Variants in LRGUK observed in about 807,000 individuals in gnomAD.
LRGUK encodes leucine rich repeats and guanylate kinase domain containing.
Under a neutral mutation model 76.0 loss-of-function variants are expected in LRGUK, and 65 were observed. The observed-to-expected ratio is 0.85, with a 90% CI of 0.70 to 1.05. The LOEUF (loss-of-function observed/expected upper bound fraction) is 1.05. LRGUK is among the 50% of genes least tolerant of loss of function. The pLI, the probability that LRGUK is intolerant of heterozygous loss-of-function variation, is 0.00. For synonymous variants in LRGUK, 268 were observed against 265.6 expected, an observed-to-expected ratio of 1.01 and a Z score of -0.09; for missense variants, 758 against 732.8, an observed-to-expected ratio of 1.03 and a Z score of -0.40.
chr7:134,197,537 C>A (rs58787920), intron 13 of LRGUK, among the ~76,000 whole-genome samples: 2 of 152,142 alleles, frequency 1.3e-5, no homozygotes, highest in African/African-American at 2.4e-5. Flanking sequence ...GAGTGTGGAA[C>A]TGGTTCCCCA....
At chr7:134,220,429 CA>C (rs1192307551) in intron 15 of LRGUK, among the ~76,000 whole-genome samples, 1 of 152,082 alleles carries the variant, frequency 6.6e-6, no homozygotes, top group Non-Finnish European at 1.5e-5. Flanking sequence ...GATTCCAAAC[CA>C]AAGTAGAGTC....
intron 18 of LRGUK, among the ~76,000 whole-genome samples, chr7:134,254,655 G>A (rs1002065509): frequency 6.6e-6 from 1 of 152,112 alleles, no homozygotes; most frequent in Non-Finnish European, 1.5e-5. Flanking sequence ...TTGGGGATGA[G>A]AATTTCAACA....
intron 6 of LRGUK, among the ~76,000 whole-genome samples, chr7:134,161,275 G>T (rs529574164): frequency 6.6e-6 from 1 of 152,106 alleles, no homozygotes; most frequent in Non-Finnish European, 1.5e-5. Context: ...TCTTATTGCA[G>T]TATGTTAAAT....
At chr7:134,149,514 CTTTA>C (rs1462899932) in intron 5 of LRGUK, among the ~76,000 whole-genome samples, 2 of 152,084 alleles carry the variant, frequency 1.3e-5, no homozygotes, top group African/African-American at 4.8e-5. Context: ...GAAAAAAATC[CTTTA>C]TTTATATATG....
intron 15 of LRGUK, among the ~76,000 whole-genome samples, chr7:134,208,294 T>C (rs1183203628): frequency 6.6e-6 from 1 of 152,156 alleles, no homozygotes. Flanking sequence ...AACAAACAAA[T>C]GGGATTTCAT....
chr7:134,178,571 T>A, exon 10 of LRGUK: 1 of 1,613,496 alleles, frequency 6.2e-7, no homozygotes, highest in Non-Finnish European at 8.5e-7. Context: ...TGACCCATGT[T>A]GTCAACAGCG....
At chr7:134,255,833 T>A (rs1173005992) in intron 18 of LRGUK, among the ~76,000 whole-genome samples, 2 of 152,100 alleles carry the variant, frequency 1.3e-5, no homozygotes, top group Non-Finnish European at 2.9e-5. Flanking sequence ...GATGAGGGGA[T>A]CTTTTTGCTT....
At chr7:134,214,459 G>GT (rs1308594027), downstream of LRGUK, among the ~76,000 whole-genome samples, 4 of 152,222 alleles carry the variant, frequency 2.6e-5, no homozygotes, top group South Asian at 6.2e-4. Context: ...TCATATCAGT[G>GT]TTTTTTATGA....
intron 16 of LRGUK, among the ~76,000 whole-genome samples, chr7:134,246,480 C>T (rs916388807): frequency 1.3e-5 from 2 of 152,216 alleles, no homozygotes; most frequent in Admixed American, 6.5e-5. Context: ...CCTAAAGACA[C>T]GCAAGCAAAC....
At chr7:134,172,963 G>A (rs5027102) in intron 7 of LRGUK, among the ~76,000 whole-genome samples, 21,729 of 151,464 alleles carry the variant, frequency 0.14, 2,212 homozygotes, top group East Asian at 0.38. Context: ...CCCCAGCATG[G>A]GTGACAGAGC....
intron 6 of LRGUK, among the ~76,000 whole-genome samples, chr7:134,159,651 C>T (rs537004611): frequency 1.3e-5 from 2 of 152,148 alleles, no homozygotes; most frequent in South Asian, 2.1e-4. Flanking sequence ...TAGCTAGGCG[C>T]GGTGGTGGTC....
chr7:134,216,972 G>A (rs921288357), intron 15 of LRGUK, among the ~76,000 whole-genome samples: 30 of 152,172 alleles, frequency 2.0e-4, no homozygotes, highest in African/African-American at 7.0e-4. Context: ...GTTAGTTGAA[G>A]GAAAGGAAAT....
intron 10 of LRGUK, among the ~76,000 whole-genome samples, chr7:134,178,933 A>AAAAAAAAAAAAAAAAAAAAAC (rs1228638281): frequency 7.3e-5 from 1 of 13,640 alleles, no homozygotes; most frequent in African/African-American, 3.0e-4. Flanking sequence ...TCTCAAAAAA[A>AAAAAAAAAAAAAAAAAAAAAC]AAAAAAAAAA....
At chr7:134,263,204 TG>T (rs1400154197) in intron 19 of LRGUK, among the ~76,000 whole-genome samples, 1 of 152,160 alleles carries the variant, frequency 6.6e-6, no homozygotes, top group African/African-American at 2.4e-5. Flanking sequence ...TCTCAATCCC[TG>T]CTACTCTGCT....
chr7:134,236,793 G>C (rs1802027183), intron 16 of LRGUK, among the ~76,000 whole-genome samples: 1 of 152,086 alleles, frequency 6.6e-6, no homozygotes, highest in Admixed American at 6.5e-5. Flanking sequence ...TTCAGTGGCT[G>C]GAAGATTTTA....
At chr7:134,222,576 G>A (rs1028332516) in intron 16 of LRGUK, among the ~76,000 whole-genome samples, 1 of 151,840 alleles carries the variant, frequency 6.6e-6, no homozygotes, top group Non-Finnish European at 1.5e-5. Context: ...ATTCCTTAAG[G>A]CTAGCCTGTT....
At chr7:134,176,006 A>G (rs1799462812) in intron 8 of LRGUK, among the ~76,000 whole-genome samples, 2 of 152,214 alleles carry the variant, frequency 1.3e-5, no homozygotes, top group African/African-American at 4.8e-5. Flanking sequence ...GAGTTACAAG[A>G]CAGGGTTTGA....
chr7:134,199,982 T>TATA (rs1554469577), intron 14 of LRGUK, among the ~76,000 whole-genome samples: 20 of 38,414 alleles, frequency 5.2e-4, no homozygotes, highest in Non-Finnish European at 7.9e-4. Flanking sequence ...CTAGAAACTT[T>TATA]TATATATATA....
intron 16 of LRGUK, among the ~76,000 whole-genome samples, chr7:134,223,885 G>C (rs1054860309): frequency 6.6e-6 from 1 of 152,124 alleles, no homozygotes; most frequent in Non-Finnish European, 1.5e-5. Flanking sequence ...GCCTCCCAAA[G>C]TGCTGGAATT....
Sources: gnomAD v4.1 joint callset for allele counts (sites outside exome capture counted in the v4.1 genomes callset) on GRCh38, gnomAD v4.1.1 for gene constraint, MANE v1.5 for transcripts, NCBI Gene and HGNC (gene_info 2026-07-23, HGNC 2026-07-21) for gene names.